MYO5B: variants seen among roughly 807,000 people sequenced by gnomAD.
MYO5B encodes the protein myosin VB.
MYO5B carries 143 observed loss-of-function variants against 229.3 expected under a neutral mutation model. The observed-to-expected ratio is 0.62, with a 90% CI of 0.54 to 0.72. The LOEUF is 0.72. Ranked by LOEUF, MYO5B falls within the 30% of genes least tolerant of loss-of-function variation. The probability of loss-of-function intolerance (pLI) is 0.00; values close to 1 mark genes in which losing one functional copy is unlikely to be tolerated. For synonymous variants in MYO5B, 918 were observed against 885.2 expected (o/e 1.04, Z -0.66); for missense variants, 2,321 against 2,331.0 (o/e 1.00, Z 0.09).
At chr18:50,152,901 A>G (rs2032622493) in intron 1 of MYO5B, among the ~76,000 whole-genome samples, 2 of 151,980 alleles carry the variant, frequency 1.3e-5, no homozygotes, top group South Asian at 4.1e-4. Flanking sequence ...ACTGAAAAGA[A>G]ACACATGTCC....
intron 7 of MYO5B, among the ~76,000 whole-genome samples, chr18:49,988,108 G>A (rs959388915): frequency 6.6e-6 from 1 of 152,140 alleles, no homozygotes; most frequent in Non-Finnish European, 1.5e-5. Flanking sequence ...CAAAACTTAC[G>A]CCAAGCCAAG....
chr18:50,031,796 C>CA (rs778268005), intron 4 of MYO5B, among the ~76,000 whole-genome samples: 13 of 152,194 alleles, frequency 8.5e-5, no homozygotes, highest in Non-Finnish European at 1.8e-4. Flanking sequence ...TTGCCCTATG[C>CA]ATTTCTCAAA....
intron 1 of MYO5B, among the ~76,000 whole-genome samples, chr18:50,092,834 A>T (rs183695493): frequency 2.0e-5 from 3 of 152,242 alleles, no homozygotes; most frequent in Non-Finnish European, 4.4e-5. Flanking sequence ...AAATGTCAAG[A>T]GTGTTAGACT....
In MYO5B at chr18:49,902,682, A is replaced by G; in HGVS notation, c.2723T>C (p.Ile908Thr). Reference sequence around the variant, plus strand: ...CAGATGCTCTGCTGAGCGGGCCTCAATCCTGAGGGCCTTCAGCTCCCGCCT... The same window carrying G: ...CAGATGCTCTGCTGAGCGGGCCTCAGTCCTGAGGGCCTTCAGCTCCCGCCT... ...KARRELKALR[I>T]EARSAEHLKR... Residue 908 changes from isoleucine to threonine, a missense_variant, in exon 21 of 40, where the codon ATT (isoleucine) becomes ACT (threonine). By Grantham distance (89) the Ile-to-Thr change is moderately conservative. This residue lies in a region of MYO5B where 2,113 missense variants were observed against 2,044.7 expected (regional missense o/e 1.03). Transcript: ENST00000285039. The G allele has an allele frequency of 1.2e-6, 2 of 1,612,930 alleles. 1 individual carries two copies. Among genetic ancestry groups the G allele is most frequent in the Middle Eastern group, 3.3e-4 (2 of 6,062 alleles).
chr18:50,092,077 G>A (rs2031459072), intron 1 of MYO5B, among the ~76,000 whole-genome samples: 1 of 152,148 alleles, frequency 6.6e-6, no homozygotes, highest in African/African-American at 2.4e-5. Context: ...GCTTTTGCAG[G>A]TTTCTAATTT....
chr18:50,000,869 T>A (rs1442756644), intron 5 of MYO5B, among the ~76,000 whole-genome samples: 3 of 152,122 alleles, frequency 2.0e-5, no homozygotes, highest in Non-Finnish European at 4.4e-5. Context: ...CCGTCCCCCA[T>A]GAAAATTGCC....
intron 4 of MYO5B, among the ~76,000 whole-genome samples, chr18:50,031,052 T>TA (rs2026383248): frequency 6.6e-6 from 1 of 152,166 alleles, no homozygotes; most frequent in Admixed American, 6.5e-5. Context: ...CCCTTAGTGC[T>TA]ACTTGGGGGA....
chr18:50,090,416 A>T (rs2031423565), intron 1 of MYO5B, among the ~76,000 whole-genome samples: 1 of 152,174 alleles, frequency 6.6e-6, no homozygotes, highest in South Asian at 2.1e-4. Flanking sequence ...GTCTGCTCAT[A>T]AAAATGCAAC....
intron 4 of MYO5B, among the ~76,000 whole-genome samples, chr18:50,022,163 C>T (rs548181236): frequency 1.8e-3 from 260 of 146,652 alleles, no homozygotes; most frequent in African/African-American, 6.0e-3. Context: ...AGCCAAAAAC[C>T]CAGAAGTGCC....
At chr18:50,058,009 A>G (rs2144422384) in intron 1 of MYO5B, among the ~76,000 whole-genome samples, 1 of 152,312 alleles carries the variant, frequency 6.6e-6, no homozygotes, top group South Asian at 2.1e-4. Context: ...ATAGCCCATG[A>G]GTTAAGAATG....
chr18:49,930,024 G>A (rs1269305777), intron 16 of MYO5B, among the ~76,000 whole-genome samples: 2 of 152,180 alleles, frequency 1.3e-5, no homozygotes, highest in Non-Finnish European at 2.9e-5. Context: ...GCATTAAAAG[G>A]ATGAGTTTCA....
At chr18:49,949,088 G>C (rs2025404872) in intron 14 of MYO5B, among the ~76,000 whole-genome samples, 1 of 152,112 alleles carries the variant, frequency 6.6e-6, no homozygotes. Context: ...CTTATGCTGG[G>C]ATAGAGTGGA....
Position 49,880,357 on chromosome 18 carries a change from G to A in MYO5B, c.3130+14C>T, listed in dbSNP as rs374774816. ...TTAAAACCCCAAATAAAACTCAAGT[G>A]CTTTGGTACTTACCTTTAGACTGGC... On this transcript the variant is annotated intron_variant, in intron 23 of 39. Coordinates refer to ENST00000285039, the MANE Select transcript of MYO5B (RefSeq NM_001080467.3). 49 of 1,607,900 alleles carry A rather than the reference G, an allele frequency of 3.0e-5. No homozygotes were observed. The African/African-American group carries it at 5.1e-4, about 17-fold the overall frequency.
chr18:49,895,004 C>A lies in MYO5B; in HGVS notation c.2982G>T (p.Arg994Ser), dbSNP rs1184060148. ...EVESLRTELQ[R>S]AHSERKILED... The stretch of plus-strand genomic sequence containing the variant: ...CCAAGATCTTGCGCTCCGAGTGGGC[C>A]CTCTGCAGCTCTGTGCGCAGGCTCT... The change falls in exon 22 of 40, where the codon AGG (arginine) becomes AGT (serine). Residue 994 changes from arginine to serine, a missense_variant. Around this residue, in one of 2 missense-constraint regions of MYO5B, gnomAD observed 2,113 missense variants for 2,044.7 expected, o/e 1.03. Coordinates refer to ENST00000285039, the MANE Select transcript of MYO5B (RefSeq NM_001080467.3). The A allele has an allele frequency of 6.2e-7, 1 of 1,613,930 alleles. No homozygotes were observed. The highest frequency in any genetic ancestry group is 1.7e-5 in the Admixed American group (1 of 60,030).
chr18:49,972,726 G>A (rs2025704418), intron 10 of MYO5B, among the ~76,000 whole-genome samples: 1 of 152,152 alleles, frequency 6.6e-6, no homozygotes, highest in Non-Finnish European at 1.5e-5. Context: ...CAATGAGACT[G>A]GAAGTTCCCA....
chr18:49,938,478 G>A (rs562779348), intron 14 of MYO5B, among the ~76,000 whole-genome samples: 1 of 152,112 alleles, frequency 6.6e-6, no homozygotes, highest in Admixed American at 6.6e-5. Flanking sequence ...GGAACATACA[G>A]GCCCCATTCA....
chr18:50,158,932 C>T (rs1395720108), intron 1 of MYO5B, among the ~76,000 whole-genome samples: 1 of 152,114 alleles, frequency 6.6e-6, no homozygotes, highest in African/African-American at 2.4e-5. Flanking sequence ...GCCTGTGCTA[C>T]CCTACACCAC....
intron 1 of MYO5B, among the ~76,000 whole-genome samples, chr18:50,189,551 G>A (rs2033199762): frequency 1.3e-5 from 2 of 152,170 alleles, no homozygotes; most frequent in African/African-American, 4.8e-5. Context: ...TTGACAAAGA[G>A]ATGGGTGCTG....
chr18:50,171,544 T>C lies in MYO5B; in HGVS notation c.27+23223A>G, dbSNP rs1291513204. On this transcript the variant is annotated intron_variant, in intron 1 of 39. Transcript: ENST00000285039. ...TGGGCTGATTCTGCTGGGGAAACAGTGGATCATACAAGGCAATAATTAAAT... is the reference window on the plus strand; with the variant it reads ...TGGGCTGATTCTGCTGGGGAAACAGCGGATCATACAAGGCAATAATTAAAT... Among the ~76,000 whole-genome samples, 2 of 128,030 alleles carry C rather than the reference T, an allele frequency of 1.6e-5. 1 individual carries two copies. Among genetic ancestry groups the C allele is most frequent in the Non-Finnish European group, 3.3e-5 (2 of 59,916 alleles). The allele number at this position is 128,030 out of a possible 152,430, so 84.0% of individuals were successfully genotyped here. A position where few individuals can be genotyped will look rare whatever the true frequency, so the allele number is the denominator to read the frequency against.
Sources: allele counts gnomAD v4.1 joint callset (sites outside exome capture counted in the v4.1 genomes callset), GRCh38; gene constraint gnomAD v4.1.1; regional missense constraint gnomAD v4.1.1; transcripts MANE v1.5; gene names NCBI Gene and HGNC (gene_info 2026-07-23, HGNC 2026-07-21).